Variants in ZCWPW2 observed in about 807,000 individuals in gnomAD.
The protein encoded by ZCWPW2 is zinc finger CW-type PWWP domain protein 2.
In ZCWPW2, 45 loss-of-function variants were observed where a neutral mutation model predicts 46.6. The observed-to-expected ratio is 0.96, with a 90% CI of 0.76 to 1.24. The LOEUF is 1.24. Ranked by LOEUF, ZCWPW2 falls within the 50% of genes most tolerant of loss-of-function variation. ZCWPW2 has a pLI of 0.00. For missense variants in ZCWPW2, 429 were observed against 403.9 expected (o/e 1.06, Z -0.53); for synonymous variants, 152 against 137.1 (o/e 1.11, Z -0.76).
chr3:28,476,387 A>G (rs1247039756), intron 4 of ZCWPW2, among the ~76,000 whole-genome samples: 1 of 152,184 alleles, frequency 6.6e-6, no homozygotes, highest in African/African-American at 2.4e-5. Context: ...TTGTAGTACC[A>G]CTAGGTGGCA....
chr3:28,353,319 T>G (rs1704622689), intron 1 of ZCWPW2, among the ~76,000 whole-genome samples: 1 of 152,208 alleles, frequency 6.6e-6, no homozygotes, highest in African/African-American at 2.4e-5. Flanking sequence ...AAAATTTACT[T>G]TTTTTATTGT....
intron 2 of ZCWPW2, among the ~76,000 whole-genome samples, chr3:28,400,043 G>A (rs1157090463): frequency 6.6e-6 from 1 of 152,066 alleles, no homozygotes; most frequent in Admixed American, 6.6e-5. Flanking sequence ...GATACAAGAA[G>A]TGAAGGGACA....
chr3:28,455,708 G>A (rs1050043340), intron 4 of ZCWPW2, among the ~76,000 whole-genome samples: 1 of 152,090 alleles, frequency 6.6e-6, no homozygotes, highest in African/African-American at 2.4e-5. Flanking sequence ...GATATGGCTA[G>A]CCAGTTCTCC....
chr3:28,391,403 C>G (rs912480031), intron 2 of ZCWPW2, among the ~76,000 whole-genome samples: 3 of 150,922 alleles, frequency 2.0e-5, no homozygotes, highest in Non-Finnish European at 3.0e-5. Flanking sequence ...ACACACAAAG[C>G]CAATGAGACA....
intron 2 of ZCWPW2, among the ~76,000 whole-genome samples, chr3:28,406,826 CTTT>C (rs11337849): frequency 2.3e-4 from 28 of 119,962 alleles, no homozygotes; most frequent in Non-Finnish European, 3.1e-4. Context: ...TCTTTTTTTT[CTTT>C]TTTTTTTTTT....
intron 1 of ZCWPW2, among the ~76,000 whole-genome samples, chr3:28,377,980 C>T (rs1054950342): frequency 3.3e-5 from 5 of 152,020 alleles, no homozygotes; most frequent in Non-Finnish European, 7.4e-5. Context: ...ATGCTGTTTT[C>T]GTCCTTTCTA....
At chr3:28,358,691 G>A (rs1000373838) in intron 1 of ZCWPW2, among the ~76,000 whole-genome samples, 1 of 151,996 alleles carries the variant, frequency 6.6e-6, no homozygotes, top group Non-Finnish European at 1.5e-5. Flanking sequence ...AATTCAAAGC[G>A]ACACATTCCC....
intron 2 of ZCWPW2, among the ~76,000 whole-genome samples, chr3:28,402,805 T>C (rs532618351): frequency 6.6e-6 from 1 of 152,286 alleles, no homozygotes; most frequent in Non-Finnish European, 1.5e-5. Flanking sequence ...AATCACATGA[T>C]TATCTCAATA....
chr3:28,432,760 G>A (rs1697317561), intron 3 of ZCWPW2, among the ~76,000 whole-genome samples: 3 of 152,036 alleles, frequency 2.0e-5, no homozygotes, highest in Admixed American at 6.6e-5. Context: ...TTAAGAAATT[G>A]TAGACTTAAT....
In ZCWPW2 at chr3:28,502,352, C is replaced by T. The variant is rs188522509; in HGVS notation, c.657+10179C>T. Among the ~76,000 whole-genome samples the T allele has an allele frequency of 8.5e-4, 130 of 152,088 alleles. 1 individual carries two copies. The highest frequency in any genetic ancestry group is 1.9e-3 in the South Asian group (9 of 4,816). On this transcript the variant is annotated intron_variant, in intron 6 of 9. Coordinates refer to ENST00000383768, the MANE Select transcript of ZCWPW2 (RefSeq NM_001040432.4). ...CCCTTGCTTCAGAATACCAATTTTC[C>T]GGTGCAGATTATTGTATTTGCTCCT...
chr3:28,404,033 G>C (rs1399359427), intron 2 of ZCWPW2, among the ~76,000 whole-genome samples: 3 of 151,928 alleles, frequency 2.0e-5, no homozygotes, highest in Non-Finnish European at 4.4e-5. Flanking sequence ...TAAAAACAAA[G>C]ACAAATAGCT....
At chr3:28,370,997 G>T (rs965444689) in intron 1 of ZCWPW2, among the ~76,000 whole-genome samples, 3 of 152,038 alleles carry the variant, frequency 2.0e-5, no homozygotes, top group Non-Finnish European at 4.4e-5. Flanking sequence ...TTCCCAAAGT[G>T]CTGTGATTAC....
intron 6 of ZCWPW2, among the ~76,000 whole-genome samples, chr3:28,492,967 C>T (rs1699867237): frequency 6.6e-6 from 1 of 151,832 alleles, no homozygotes; most frequent in Non-Finnish European, 1.5e-5. Flanking sequence ...GGGCATGTAT[C>T]TATAGATGAT....
chr3:28,456,172 G>T (rs1274917995), intron 4 of ZCWPW2, among the ~76,000 whole-genome samples: 1 of 152,126 alleles, frequency 6.6e-6, no homozygotes, highest in African/African-American at 2.4e-5. Context: ...GCAGTGGTTT[G>T]TCGTTCTCCT....
chr3:28,441,303 C>T (rs148644185), intron 4 of ZCWPW2, among the ~76,000 whole-genome samples: 2,354 of 152,268 alleles, frequency 0.015, 68 homozygotes, highest in African/African-American at 0.054. Flanking sequence ...ACCAATTTTC[C>T]AGTCATGCTT....
intron 1 of ZCWPW2, among the ~76,000 whole-genome samples, chr3:28,380,628 C>A (rs1231160976): frequency 6.6e-6 from 1 of 151,970 alleles, no homozygotes; most frequent in Non-Finnish European, 1.5e-5. Flanking sequence ...TAATGTCCAA[C>A]ACAATCAACC....
intron 8 of ZCWPW2, among the ~76,000 whole-genome samples, chr3:28,516,873 A>C (rs1700587415): frequency 6.6e-6 from 1 of 150,700 alleles, no homozygotes; most frequent in African/African-American, 2.4e-5. Flanking sequence ...ATAACTGGGC[A>C]TGGTGGCACA....
intron 9 of ZCWPW2, among the ~76,000 whole-genome samples, chr3:28,524,052 A>G (rs1297621945): frequency 3.3e-5 from 5 of 152,030 alleles, no homozygotes; most frequent in Non-Finnish European, 5.9e-5. Context: ...ATAAACTCTG[A>G]AGTTATAAAT....
chr3:28,518,866 T>A (rs148710759), intron 8 of ZCWPW2, among the ~76,000 whole-genome samples: 2 of 152,160 alleles, frequency 1.3e-5, no homozygotes, highest in Non-Finnish European at 2.9e-5. Context: ...AAAATAACCA[T>A]GAGCAGTCAT....
Sources: allele counts gnomAD v4.1 joint callset (sites outside exome capture counted in the v4.1 genomes callset), GRCh38; gene constraint gnomAD v4.1.1; transcripts MANE v1.5; gene names NCBI Gene and HGNC (gene_info 2026-07-23, HGNC 2026-07-21).